The following CLYBL variants were observed in gnomAD, a reference collection of about 807,000 sequenced individuals.
CLYBL encodes the protein citramalyl-CoA lyase, mitochondrial.
In CLYBL, 31 loss-of-function variants were observed where a neutral mutation model predicts 38.9. The observed-to-expected ratio is 0.80, with a 90% CI of 0.60 to 1.08. The LOEUF (loss-of-function observed/expected upper bound fraction) is 1.08, where lower values mean the gene tolerates loss of function less well. Among genes scored for constraint, CLYBL ranks in the 50% least tolerant of loss-of-function variants. The probability of loss-of-function intolerance (pLI) is 0.00; values close to 1 mark genes in which losing one functional copy is unlikely to be tolerated. For synonymous variants in CLYBL, 171 were observed against 158.6 expected (o/e 1.08, Z -0.59); for missense variants, 434 against 411.6 (o/e 1.05, Z -0.47).
chr13:99,863,202 T>TA (rs2051652564), intron 4 of CLYBL, 110 bp downstream of exon 4: 1 of 571,858 alleles, frequency 1.7e-6, no homozygotes, highest in East Asian at 3.2e-5. Context: ...GAAAGATTTA[T>TA]AAGCAAAGGA....
intron 7 of CLYBL, among the ~76,000 whole-genome samples, chr13:99,886,985 G>A (rs986274057): frequency 6.6e-6 from 1 of 152,216 alleles, no homozygotes; most frequent in Non-Finnish European, 1.5e-5. Context: ...ACTAACCTAA[G>A]GAAATTCTGC....
intron 2 of CLYBL, among the ~76,000 whole-genome samples, chr13:99,779,203 T>C (rs1230098503): frequency 1.3e-5 from 2 of 152,176 alleles, no homozygotes; most frequent in Non-Finnish European, 2.9e-5. Flanking sequence ...AGTGCAATGG[T>C]ATGATCTCGG....
At chr13:99,748,879 T>G (rs540948123) in intron 1 of CLYBL, among the ~76,000 whole-genome samples, 281 of 152,252 alleles carry the variant, frequency 1.8e-3, no homozygotes, top group African/African-American at 6.5e-3. Flanking sequence ...GCTTGTTTGC[T>G]CTCTCATTCT....
intron 1 of CLYBL, among the ~76,000 whole-genome samples, chr13:99,697,625 C>T (rs1254849610): frequency 2.7e-5 from 4 of 150,642 alleles, no homozygotes; most frequent in African/African-American, 4.9e-5. Context: ...GCTGGGATTA[C>T]AGGCATGAGC....
chr13:99,734,722 A>G (rs2048640572), intron 1 of CLYBL, among the ~76,000 whole-genome samples: 1 of 152,178 alleles, frequency 6.6e-6, no homozygotes, highest in South Asian at 2.1e-4. Context: ...AATCCCATGT[A>G]CTGCCCATTT....
chr13:99,741,035 C>T (rs1234511970), intron 1 of CLYBL, among the ~76,000 whole-genome samples: 3 of 152,218 alleles, frequency 2.0e-5, no homozygotes, highest in Non-Finnish European at 4.4e-5. Flanking sequence ...GTACAGACTT[C>T]TGCCTGAAAT....
At chr13:99,677,223 C>T (rs2047666659) in intron 1 of CLYBL, among the ~76,000 whole-genome samples, 2 of 152,002 alleles carry the variant, frequency 1.3e-5, no homozygotes, top group East Asian at 1.9e-4. Flanking sequence ...TTTCAGAATC[C>T]AGATCATTGT....
At chr13:99,896,245 G>A (rs1156657778), downstream of CLYBL, 1 of 152,056 alleles carries the variant, frequency 6.6e-6, no homozygotes, top group Non-Finnish European at 1.5e-5. Context: ...GCGGCCCCGT[G>A]TCCCCGCGGA....
In CLYBL at chr13:99,750,735, T is replaced by A. The variant is rs201842653; in HGVS notation, c.63-22089T>A. ...ATTTTTAAATAATGCCCTCTTTTTTTAAAAAAAAAATCTTATGTTTAAGAA... is the reference window on the plus strand; with the variant it reads ...ATTTTTAAATAATGCCCTCTTTTTTAAAAAAAAAAATCTTATGTTTAAGAA... On this transcript the variant is annotated intron_variant, in intron 1 of 8. Coordinates refer to ENST00000339105, the MANE Select transcript of CLYBL (RefSeq NM_206808.5). 4.1e-3 allele frequency among the ~76,000 whole-genome samples: 612 copies of A among 149,886 alleles called. 3 individuals carry two copies. Among genetic ancestry groups the A allele is most frequent in the African/African-American group, 0.013 (515 of 40,688 alleles).
chr13:99,646,194 T>C (rs1413948994), intron 1 of CLYBL, among the ~76,000 whole-genome samples: 2 of 152,194 alleles, frequency 1.3e-5, no homozygotes, highest in Non-Finnish European at 2.9e-5. Flanking sequence ...CAGGATCCTG[T>C]CATAATCAGG....
In CLYBL at chr13:99,759,574, A is replaced by G. The variant is rs139369901; in HGVS notation, c.63-13250A>G. 5.9e-3 allele frequency among the ~76,000 whole-genome samples: 900 copies of G among 151,738 alleles called. 5 individuals are homozygous for G. The highest frequency in any genetic ancestry group is 0.021 in the African/African-American group (851 of 41,358). ...AAGCAGTGCAGAGAGATGTGAGACC[A>G]CCCCCACCCCCTCAGAGAGCTCATG... On this transcript the variant is annotated intron_variant, in intron 1 of 8. Coordinates refer to ENST00000339105, the MANE Select transcript of CLYBL (RefSeq NM_206808.5).
chr13:99,717,357 C>A (rs1351628011), intron 1 of CLYBL, among the ~76,000 whole-genome samples: 1 of 136,036 alleles, frequency 7.4e-6, no homozygotes, highest in Non-Finnish European at 1.5e-5. Flanking sequence ...ACCCAGGAGG[C>A]AGAAGTTGCA....
At chr13:99,739,867 G>A (rs973155548) in intron 1 of CLYBL, among the ~76,000 whole-genome samples, 23 of 152,132 alleles carry the variant, frequency 1.5e-4, no homozygotes, top group Admixed American at 2.0e-4. Context: ...CTAGCTACTT[G>A]GGAGGCTGAG....
intron 2 of CLYBL, among the ~76,000 whole-genome samples, chr13:99,833,031 T>TATATATATA (rs57543837): frequency 1.3e-3 from 27 of 21,002 alleles, no homozygotes; most frequent in African/African-American, 1.6e-3. Flanking sequence ...TATATATATA[T>TATATATATA]TTTTTTTTTT....
chr13:99,906,312 GTC>G (rs1249667610), intron 9 of CLYBL, among the ~76,000 whole-genome samples: 4 of 152,118 alleles, frequency 2.6e-5, no homozygotes, highest in African/African-American at 7.2e-5. Context: ...TCAGAAAAAT[GTC>G]TGTTAAGATT....
At chr13:99,843,558 G>A (rs2051132772) in intron 2 of CLYBL, among the ~76,000 whole-genome samples, 1 of 151,334 alleles carries the variant, frequency 6.6e-6, no homozygotes, top group South Asian at 2.1e-4. Flanking sequence ...AATATTTCTT[G>A]AATGAAATGA....
intron 2 of CLYBL, among the ~76,000 whole-genome samples, chr13:99,833,419 A>G (rs997567908): frequency 6.6e-6 from 1 of 152,114 alleles, no homozygotes; most frequent in Non-Finnish European, 1.5e-5. Flanking sequence ...GTTATATTAC[A>G]TTAGAATCTT....
At chr13:99,653,090 A>T (rs912482718) in intron 1 of CLYBL, among the ~76,000 whole-genome samples, 6 of 152,154 alleles carry the variant, frequency 3.9e-5, no homozygotes, top group Non-Finnish European at 8.8e-5. Context: ...AGGAATGTAT[A>T]CTGTTTGTTG....
intron 1 of CLYBL, among the ~76,000 whole-genome samples, chr13:99,674,002 A>G (rs1364994127): frequency 6.6e-6 from 1 of 151,980 alleles, no homozygotes; most frequent in Non-Finnish European, 1.5e-5. Flanking sequence ...GACTGGAGGG[A>G]AAGAGTGGCT....
Sources: allele counts gnomAD v4.1 joint callset (sites outside exome capture counted in the v4.1 genomes callset), GRCh38; gene constraint gnomAD v4.1.1; transcripts MANE v1.5; gene names NCBI Gene and HGNC (gene_info 2026-07-23, HGNC 2026-07-21).